The following NRG3 variants were observed in gnomAD, a reference collection of about 807,000 sequenced individuals.
The protein encoded by NRG3 is neuregulin 3, also known as pro-neuregulin-3, membrane-bound isoform.
In NRG3, 31 loss-of-function variants were observed where a neutral mutation model predicts 66.9. The ratio of observed to expected loss-of-function variants is 0.46; its 90% CI spans 0.35 to 0.63. The LOEUF (loss-of-function observed/expected upper bound fraction) is 0.63, where lower values mean the gene tolerates loss of function less well. NRG3 is among the 20% of genes least tolerant of loss of function. The probability of loss-of-function intolerance (pLI) is 0.00; values close to 1 mark genes in which losing one functional copy is unlikely to be tolerated. For missense variants in NRG3, 910 were observed against 878.9 expected, an observed-to-expected ratio of 1.04 and a Z score of -0.45; for synonymous variants, 393 against 359.4, an observed-to-expected ratio of 1.09 and a Z score of -1.06.
intron 3 of NRG3, among the ~76,000 whole-genome samples, chr10:82,746,974 T>C (rs2058672834): frequency 6.6e-6 from 1 of 152,040 alleles, no homozygotes; most frequent in South Asian, 2.1e-4. Flanking sequence ...TCCCAGCTAC[T>C]TGGGAGGCTG....
intron 2 of NRG3, among the ~76,000 whole-genome samples, chr10:82,393,717 T>C (rs1311005664): frequency 6.6e-6 from 1 of 152,166 alleles, no homozygotes; most frequent in Non-Finnish European, 1.5e-5. Context: ...GAGCAGCATA[T>C]GCATGGCAAC....
chr10:81,988,269 A>G (rs1366483889), intron 1 of NRG3, among the ~76,000 whole-genome samples: 3 of 152,146 alleles, frequency 2.0e-5, no homozygotes, highest in African/African-American at 4.8e-5. Flanking sequence ...TTGTAGAGAT[A>G]AGATTTGAAC....
chr10:82,479,722 C>T (rs1049483138), intron 2 of NRG3, among the ~76,000 whole-genome samples: 18 of 149,212 alleles, frequency 1.2e-4, no homozygotes, highest in Admixed American at 1.1e-3. Flanking sequence ...AATCCCAGCA[C>T]GTTGGGAGGC....
intron 1 of NRG3, among the ~76,000 whole-genome samples, chr10:82,354,014 C>CTTTTT (rs869307444): frequency 7.1e-5 from 8 of 112,602 alleles, no homozygotes; most frequent in African/African-American, 3.0e-4. Context: ...CACTATAACA[C>CTTTTT]TTTTTTTTTT....
intron 3 of NRG3, among the ~76,000 whole-genome samples, chr10:82,820,948 A>G (rs927620524): frequency 3.4e-4 from 52 of 152,314 alleles, no homozygotes; most frequent in African/African-American, 1.2e-3. Context: ...GTTCTTTGCA[A>G]CTACACGATC....
chr10:81,994,108 A>G (rs917278361), intron 1 of NRG3, among the ~76,000 whole-genome samples: 1 of 152,164 alleles, frequency 6.6e-6, no homozygotes, highest in Non-Finnish European at 1.5e-5. Flanking sequence ...GACAAATTAC[A>G]CTCTAAAGTG....
At chr10:82,520,010 G>T (rs1179523658) in intron 2 of NRG3, among the ~76,000 whole-genome samples, 2 of 152,014 alleles carry the variant, frequency 1.3e-5, no homozygotes, top group African/African-American at 4.8e-5. Flanking sequence ...AACTAAAATA[G>T]TAGTAGTTTA....
chr10:82,987,087 T>G lies in NRG3; in HGVS notation c.*1482T>G, dbSNP rs1481287298. The G allele has an allele frequency of 6.6e-6, 1 of 152,210 alleles. No individual in the cohort carries two copies. 9.4% of individuals were successfully genotyped at this position (152,210 alleles called of 1,614,324 possible). Reference sequence around the variant, plus strand: ...TTCATGGGACATATGAGGAAATTAGTGTTCACATATCCAGTCTTTTTCCAA... The same window carrying G: ...TTCATGGGACATATGAGGAAATTAGGGTTCACATATCCAGTCTTTTTCCAA... On this transcript the variant is annotated 3_prime_UTR_variant, in exon 9 of 9. Transcript: ENST00000372141.
intron 3 of NRG3, among the ~76,000 whole-genome samples, chr10:82,853,582 TTTTA>T (rs1304453226): frequency 1.3e-5 from 2 of 152,138 alleles, no homozygotes; most frequent in Non-Finnish European, 2.9e-5. Flanking sequence ...GGGTTGAGTT[TTTTA>T]TTTGATTGTC....
intron 2 of NRG3, among the ~76,000 whole-genome samples, chr10:82,481,044 AC>A (rs1469515696): frequency 6.6e-6 from 1 of 151,950 alleles, no homozygotes; most frequent in African/African-American, 2.4e-5. Flanking sequence ...TTTACTGTAA[AC>A]CCTTTTCTCC....
intron 2 of NRG3, among the ~76,000 whole-genome samples, chr10:82,614,035 G>A (rs976763702): frequency 6.6e-6 from 1 of 151,900 alleles, no homozygotes; most frequent in African/African-American, 2.4e-5. Flanking sequence ...AAGTAGCTGG[G>A]CCTACAGGTG....
At chr10:82,102,336 G>A (rs986304263) in intron 1 of NRG3, among the ~76,000 whole-genome samples, 6 of 149,252 alleles carry the variant, frequency 4.0e-5, no homozygotes, top group African/African-American at 7.4e-5. Context: ...TTTACTTTTA[G>A]CCTGTCCATG....
chr10:81,950,764 T>G (rs182320954), intron 1 of NRG3, among the ~76,000 whole-genome samples: 128 of 152,322 alleles, frequency 8.4e-4, no homozygotes, highest in Non-Finnish European at 1.5e-3. Context: ...TATTCTTTGC[T>G]GTCCCCCAAC....
At chr10:81,950,393 C>G (rs1399414122) in intron 1 of NRG3, among the ~76,000 whole-genome samples, 1 of 152,148 alleles carries the variant, frequency 6.6e-6, no homozygotes, top group Non-Finnish European at 1.5e-5. Context: ...TTTTCAAACC[C>G]TCCACTTTAC....
At chr10:82,166,883 TA>T in intron 1 of NRG3, 1 of 597,990 alleles carries the variant, frequency 1.7e-6, no homozygotes, top group South Asian at 2.0e-5. Context: ...TTTTTCTCAG[TA>T]GTTTTTTTTT....
intron 3 of NRG3, among the ~76,000 whole-genome samples, chr10:82,780,227 G>T (rs890766844): frequency 6.6e-6 from 1 of 152,002 alleles, no homozygotes; most frequent in Non-Finnish European, 1.5e-5. Context: ...AATCCTTTGG[G>T]TATATACCCA....
intron 2 of NRG3, among the ~76,000 whole-genome samples, chr10:82,530,210 C>T (rs747185578): frequency 6.6e-6 from 1 of 152,000 alleles, no homozygotes; most frequent in African/African-American, 2.4e-5. Context: ...TTGAATGATT[C>T]TTGTGTCATG....
In NRG3 at chr10:82,962,438, CT is replaced by C. The variant is rs201985382; in HGVS notation, c.1284+3371del. Among the ~76,000 whole-genome samples the C allele has an allele frequency of 2.6e-3, 392 of 151,958 alleles. 2 individuals are homozygous for C. The highest frequency in any genetic ancestry group is 8.9e-3 in the African/African-American group (368 of 41,454). On this transcript the variant is annotated intron_variant, in intron 6 of 8. Coordinates refer to ENST00000372141, the MANE Select transcript of NRG3 (RefSeq NM_001010848.4). ...GAAGAAAATTGTATACCCTTCATAC[CT>C]TTTTTTTCAGTAATCATTTTAAGAA...
chr10:82,552,105 G>T (rs1284509813), intron 2 of NRG3, among the ~76,000 whole-genome samples: 1 of 151,956 alleles, frequency 6.6e-6, no homozygotes, highest in Non-Finnish European at 1.5e-5. Context: ...TTCAACAGGT[G>T]CAAAATGCAT....
Sources: gnomAD v4.1 joint callset for allele counts (sites outside exome capture counted in the v4.1 genomes callset) on GRCh38, gnomAD v4.1.1 for gene constraint, MANE v1.5 for transcripts, NCBI Gene and HGNC (gene_info 2026-07-23, HGNC 2026-07-21) for gene names.